The following PDCD10 variants were observed in gnomAD, a reference collection of about 807,000 sequenced individuals.
PDCD10 encodes programmed cell death 10.
In PDCD10, 4 loss-of-function variants were observed where a neutral mutation model predicts 29.2. That is an observed-to-expected ratio of 0.14 (90% CI 0.07 to 0.31). The LOEUF is 0.31. Among genes scored for constraint, PDCD10 ranks in the 10% least tolerant of loss-of-function variants. The pLI is 1.00. For missense variants in PDCD10, 183 were observed against 257.9 expected (o/e 0.71, Z 1.99); for synonymous variants, 70 against 82.2 (o/e 0.85, Z 0.80).
intron 2 of PDCD10, among the ~76,000 whole-genome samples, chr3:167,726,332 C>G (rs1724177186): frequency 6.6e-6 from 1 of 151,990 alleles, no homozygotes; most frequent in Non-Finnish European, 1.5e-5. Context: ...CTCCTGACCT[C>G]AGGTGATCCA....
chr3:167,710,032 T>G (rs185229867), intron 3 of PDCD10, among the ~76,000 whole-genome samples: 1 of 152,086 alleles, frequency 6.6e-6, no homozygotes, highest in Non-Finnish European at 1.5e-5. Flanking sequence ...CCTGGCAGGA[T>G]TCATCGCCTG....
At chr3:167,718,415 A>T (rs1192900669) in intron 3 of PDCD10, among the ~76,000 whole-genome samples, 2 of 152,012 alleles carry the variant, frequency 1.3e-5, no homozygotes, top group Admixed American at 6.6e-5. Context: ...TGGTGAAATT[A>T]ATTACTGGTG....
chr3:167,712,573 A>C (rs540432031), intron 3 of PDCD10, among the ~76,000 whole-genome samples: 3 of 152,192 alleles, frequency 2.0e-5, no homozygotes, highest in Non-Finnish European at 2.9e-5. Context: ...ACCACAAAAC[A>C]ACCAGAAAAC....
chr3:167,698,519 G>T (rs886915610), intron 4 of PDCD10, among the ~76,000 whole-genome samples: 1 of 151,528 alleles, frequency 6.6e-6, no homozygotes, highest in African/African-American at 2.4e-5. Context: ...CTATGATACA[G>T]AATAAGACCT....
At chr3:167,717,826 T>C (rs567691614) in intron 3 of PDCD10, among the ~76,000 whole-genome samples, 1 of 152,204 alleles carries the variant, frequency 6.6e-6, no homozygotes, top group Admixed American at 6.5e-5. Flanking sequence ...CTTGACACCA[T>C]GCTGTTAATG....
chr3:167,685,364 C>T (rs543195692), intron 8 of PDCD10, among the ~76,000 whole-genome samples: 40 of 142,052 alleles, frequency 2.8e-4, no homozygotes, highest in African/African-American at 1.1e-3. Context: ...GAGCCCAGAT[C>T]CAGCCTGGGC....
chr3:167,722,438 A>C (rs1296148674), intron 2 of PDCD10, among the ~76,000 whole-genome samples: 1 of 152,178 alleles, frequency 6.6e-6, no homozygotes, highest in African/African-American at 2.4e-5. Context: ...GGAGAACTGG[A>C]GAAAACCAGC....
At chr3:167,728,548 T>A (rs1231771474) in intron 2 of PDCD10, among the ~76,000 whole-genome samples, 1 of 152,132 alleles carries the variant, frequency 6.6e-6, no homozygotes, top group African/African-American at 2.4e-5. Context: ...AGAGAAACAA[T>A]CATTTATTTT....
intron 3 of PDCD10, among the ~76,000 whole-genome samples, chr3:167,707,163 G>A (rs1007056003): frequency 6.6e-6 from 1 of 152,138 alleles, no homozygotes; most frequent in African/African-American, 2.4e-5. Context: ...TTATAAACAT[G>A]GGATTTGAAC....
At chr3:167,694,972 T>C (rs1720650670) in intron 6 of PDCD10, among the ~76,000 whole-genome samples, 1 of 152,180 alleles carries the variant, frequency 6.6e-6, no homozygotes, top group Non-Finnish European at 1.5e-5. Flanking sequence ...TTATCAGACT[T>C]TCTAGTTTAA....
chr3:167,714,839 A>G (rs1161114913), intron 3 of PDCD10, among the ~76,000 whole-genome samples: 1 of 151,992 alleles, frequency 6.6e-6, no homozygotes, highest in Non-Finnish European at 1.5e-5. Context: ...AAGAATCAAT[A>G]TTGTTAAAAT....
intron 3 of PDCD10, among the ~76,000 whole-genome samples, chr3:167,708,062 G>C (rs904584808): frequency 3.3e-5 from 5 of 152,148 alleles, no homozygotes; most frequent in Admixed American, 3.3e-4. Flanking sequence ...AACTCCTTCT[G>C]TAACTTATTG....
In PDCD10 at chr3:167,696,974, T is replaced by C. The variant is rs200744200; in HGVS notation, c.268+35A>G. 86 of 1,028,966 alleles carry C rather than the reference T, an allele frequency of 8.4e-5. 1 individual carries two copies. In the East Asian group the frequency reaches 1.6e-3, roughly 19 times the overall value. 63.7% of individuals were successfully genotyped at this position (1,028,966 alleles called of 1,614,324 possible). A position where few individuals can be genotyped will look rare whatever the true frequency, so the allele number is the denominator to read the frequency against. Reference sequence around the variant, plus strand: ...ATTTAGAGGAAGTGCTATTTAACAATTGTATAACTTAAACAAGGTTCTTCT... The same window carrying C: ...ATTTAGAGGAAGTGCTATTTAACAACTGTATAACTTAAACAAGGTTCTTCT... On this transcript the variant is annotated intron_variant, in intron 5 of 8. Coordinates refer to ENST00000392750, the MANE Select transcript of PDCD10 (RefSeq NM_007217.4).
At chr3:167,714,229 A>C (rs1722791150) in intron 3 of PDCD10, among the ~76,000 whole-genome samples, 1 of 152,144 alleles carries the variant, frequency 6.6e-6, no homozygotes, top group South Asian at 2.1e-4. Flanking sequence ...AGGATGGTTC[A>C]ATATATGCAA....
At position 167,734,652 on chromosome 3, in the gene PDCD10, C is replaced by T. The variant is rs1353856194; in HGVS notation, c.-254+10G>A. ...GCTTTACGCCACTCGCGTAGGGTAA[C>T]CTCGCTTACGCCCGTAGGGCCCCGC... On this transcript the variant is annotated intron_variant, in intron 1 of 8. Transcript: ENST00000392750. The T allele has an allele frequency of 6.5e-6, 1 of 153,190 alleles. No individual in the cohort carries two copies. Among genetic ancestry groups the T allele is most frequent in the Non-Finnish European group, 1.5e-5 (1 of 68,638 alleles). 9.5% of individuals were successfully genotyped at this position (153,190 alleles called of 1,614,324 possible). A position where few individuals can be genotyped will look rare whatever the true frequency, so the allele number is the denominator to read the frequency against.
intron 6 of PDCD10, among the ~76,000 whole-genome samples, chr3:167,688,107 C>G (rs1004851441): frequency 1.8e-4 from 27 of 152,148 alleles, no homozygotes; most frequent in African/African-American, 6.3e-4. Context: ...GTTATTTGAA[C>G]AAGGAACAAT....
chr3:167,706,672 G>A (rs1722005211), intron 3 of PDCD10, among the ~76,000 whole-genome samples: 1 of 152,170 alleles, frequency 6.6e-6, no homozygotes, highest in African/African-American at 2.4e-5. Flanking sequence ...ACCAATGACT[G>A]AAATGTTATG....
intron 2 of PDCD10, among the ~76,000 whole-genome samples, chr3:167,722,454 G>A (rs558249878): frequency 6.6e-6 from 1 of 152,238 alleles, no homozygotes; most frequent in Non-Finnish European, 1.5e-5. Context: ...CCAGCATCAC[G>A]AAACAAGTTT....
intron 2 of PDCD10, among the ~76,000 whole-genome samples, chr3:167,727,092 AG>A (rs1724268359): frequency 6.6e-6 from 1 of 152,224 alleles, no homozygotes; most frequent in Non-Finnish European, 1.5e-5. Context: ...AACTTAACAA[AG>A]GAAACCATGG....
Sources: gnomAD v4.1 joint callset for allele counts (sites outside exome capture counted in the v4.1 genomes callset) on GRCh38, gnomAD v4.1.1 for gene constraint, MANE v1.5 for transcripts, NCBI Gene and HGNC (gene_info 2026-07-23, HGNC 2026-07-21) for gene names.